Variants in DAPK2 observed in about 807,000 individuals in gnomAD.
DAPK2 encodes death-associated protein kinase 2.
Under a neutral mutation model 44.1 loss-of-function variants are expected in DAPK2, and 35 were observed. The observed-to-expected ratio is 0.79, with a 90% CI of 0.61 to 1.05. The LOEUF is 1.05. Ranked by LOEUF, DAPK2 falls within the 50% of genes least tolerant of loss-of-function variation. The probability of loss-of-function intolerance (pLI) is 0.00; values close to 1 mark genes in which losing one functional copy is unlikely to be tolerated. For synonymous variants in DAPK2, 174 were observed against 182.6 expected (o/e 0.95, Z 0.38); for missense variants, 453 against 483.2 (o/e 0.94, Z 0.59).
At chr15:64,006,926 C>T (rs552213102) in intron 1 of DAPK2, among the ~76,000 whole-genome samples, 11 of 152,206 alleles carry the variant, frequency 7.2e-5, no homozygotes, top group Middle Eastern at 6.8e-3. Context: ...ATAGGGAGCC[C>T]GACTCCAGGA....
At chr15:64,026,605 C>T (rs1421715845) in intron 1 of DAPK2, among the ~76,000 whole-genome samples, 1 of 152,180 alleles carries the variant, frequency 6.6e-6, no homozygotes, top group Non-Finnish European at 1.5e-5. Context: ...CAGAAGCTCT[C>T]CCTTTTGCCC....
intron 6 of DAPK2, among the ~76,000 whole-genome samples, chr15:63,929,196 C>T (rs2079427982): frequency 3.2e-5 from 1 of 31,606 alleles, no homozygotes; most frequent in African/African-American, 1.1e-4. Context: ...AAGACTCTGT[C>T]TCAAAAAAAA....
intron 1 of DAPK2, among the ~76,000 whole-genome samples, chr15:64,032,629 C>G (rs996341816): frequency 1.3e-5 from 2 of 152,162 alleles, no homozygotes; most frequent in African/African-American, 4.8e-5. Context: ...ATGAAAAATA[C>G]CCCTGCAAAG....
At chr15:63,965,122 G>A (rs2078018114) in intron 3 of DAPK2, among the ~76,000 whole-genome samples, 1 of 152,186 alleles carries the variant, frequency 6.6e-6, no homozygotes, top group African/African-American at 2.4e-5. Flanking sequence ...AAGGACTTGA[G>A]TGTTGTAATC....
chr15:64,045,800 G>A (rs540402410), intron 1 of DAPK2, among the ~76,000 whole-genome samples: 1 of 152,188 alleles, frequency 6.6e-6, no homozygotes, highest in Admixed American at 6.5e-5. Flanking sequence ...GCCCATCCTA[G>A]CTCTACCCCA....
In DAPK2 at chr15:63,908,529, G is replaced by A. The variant is rs200167619; in HGVS notation, c.1104C>T (p.Ser368=). 12 of 1,595,044 alleles carry A rather than the reference G, an allele frequency of 7.5e-6. No homozygotes were observed. The East Asian group carries it at 2.7e-4, about 36-fold the overall frequency. Residue 368 remains serine, a synonymous_variant, in exon 11 of 11, where the codon AGC becomes AGT. Transcript: ENST00000261891. The surrounding 1 kb of genome is among the most constrained non-coding windows in gnomAD (Gnocchi z 5.7). ...CTGCAGGTCAGGCCAGTTAGGAGGTGCTGCTCCTCCTCCGTGGGTGGAGGG... is the reference window on the plus strand; with the variant it reads ...CTGCAGGTCAGGCCAGTTAGGAGGTACTGCTCCTCCTCCGTGGGTGGAGGG...
intron 2 of DAPK2, among the ~76,000 whole-genome samples, chr15:63,978,588 C>T (rs1235944656): frequency 6.6e-6 from 1 of 152,152 alleles, no homozygotes; most frequent in Non-Finnish European, 1.5e-5. Context: ...AGGCTGATGA[C>T]CTGCCACTGT....
chr15:63,925,803 T>G, intron 7 of DAPK2, 138 bp downstream of exon 8: 1 of 1,101,066 alleles, frequency 9.1e-7, no homozygotes, highest in South Asian at 1.5e-5. Flanking sequence ...AGGCCACACT[T>G]TCCAGCACCT....
chr15:63,957,071 G>A (rs547469049), intron 3 of DAPK2, among the ~76,000 whole-genome samples: 9 of 152,332 alleles, frequency 5.9e-5, no homozygotes, highest in African/African-American at 2.2e-4. Flanking sequence ...CTGTCTGGAT[G>A]ATCTGTCCAA....
chr15:64,016,028 G>C (rs1346866600), intron 1 of DAPK2, among the ~76,000 whole-genome samples: 2 of 152,232 alleles, frequency 1.3e-5, no homozygotes, highest in Non-Finnish European at 2.9e-5. Context: ...AGGAAGGCTT[G>C]GGTTCTTCAG....
chr15:63,925,678 G>A (rs868643452), intron 7 of DAPK2, among the ~76,000 whole-genome samples: 9 of 138,446 alleles, frequency 6.5e-5, no homozygotes, highest in Admixed American at 1.4e-4. Flanking sequence ...GACTTGTAGC[G>A]CACACACACA....
intron 1 of DAPK2, among the ~76,000 whole-genome samples, chr15:64,038,821 A>G (rs1045589506): frequency 2.0e-5 from 3 of 152,214 alleles, no homozygotes; most frequent in African/African-American, 7.2e-5. Flanking sequence ...TCCCTAAGCT[A>G]AAGGGAAAAG....
Position 64,036,315 on chromosome 15 carries a change from A to ATG in DAPK2, c.92+3854_92+3855insCA, listed in dbSNP as rs1567290046. On this transcript the variant is annotated intron_variant, in intron 1 of 10. Transcript: ENST00000261891. ...TGTGTGTGTGTGTGTGTGTGTATAT[A>ATG]TATGTATATATATATATATATACAT... 3.1e-4 allele frequency among the ~76,000 whole-genome samples: 22 copies of ATG among 70,600 alleles called. 1 individual carries two copies. The highest frequency in any genetic ancestry group is 1.8e-3 in the South Asian group (5 of 2,776). The allele number at this position is 70,600 out of a possible 152,430, so 46.3% of individuals were successfully genotyped here. A position where few individuals can be genotyped will look rare whatever the true frequency, so the allele number is the denominator to read the frequency against.
At chr15:63,983,743 G>A in exon 2 of DAPK2, 1 of 1,611,194 alleles carries the variant, frequency 6.2e-7, no homozygotes. Flanking sequence ...CTTCACGATG[G>A]CAAACTGGCC....
intron 3 of DAPK2, among the ~76,000 whole-genome samples, chr15:63,946,587 G>T (rs991421426): frequency 6.6e-6 from 1 of 152,228 alleles, no homozygotes; most frequent in African/African-American, 2.4e-5. Flanking sequence ...CTGGGATGCA[G>T]CATGAACAGT....
At chr15:63,975,952 C>T (rs75763145) in intron 2 of DAPK2, among the ~76,000 whole-genome samples, 4 of 152,122 alleles carry the variant, frequency 2.6e-5, no homozygotes, top group Admixed American at 2.6e-4. Context: ...TCATTCCCTG[C>T]CCCCTAGTCC....
At chr15:63,954,386 T>A (rs2077667065) in intron 3 of DAPK2, among the ~76,000 whole-genome samples, 1 of 152,192 alleles carries the variant, frequency 6.6e-6, no homozygotes, top group African/African-American at 2.4e-5. Context: ...GTTTTCTCAA[T>A]ACCATTTATT....
chr15:63,975,235 C>T (rs2078311866), intron 2 of DAPK2, among the ~76,000 whole-genome samples: 1 of 152,178 alleles, frequency 6.6e-6, no homozygotes, highest in Admixed American at 6.5e-5. Context: ...CTTGGGATCA[C>T]TTGGAGAACT....
At chr15:64,021,252 G>C (rs1447512472) in intron 1 of DAPK2, among the ~76,000 whole-genome samples, 2 of 152,200 alleles carry the variant, frequency 1.3e-5, no homozygotes, top group African/African-American at 4.8e-5. Flanking sequence ...CGTCAGCACA[G>C]GATGATACTG....
Sources: allele counts gnomAD v4.1 joint callset (sites outside exome capture counted in the v4.1 genomes callset), GRCh38; gene constraint gnomAD v4.1.1; non-coding constraint Gnocchi (gnomAD v3.1); transcripts MANE v1.5; gene names NCBI Gene and HGNC (gene_info 2026-07-23, HGNC 2026-07-21).